Variants in LTBP1 observed in about 807,000 individuals in gnomAD.
LTBP1 encodes latent transforming growth factor beta binding protein 1.
LTBP1 carries 129 observed loss-of-function variants against 207.6 expected under a neutral mutation model. The ratio of observed to expected loss-of-function variants is 0.62; its 90% confidence interval spans 0.54 to 0.72. The LOEUF (loss-of-function observed/expected upper bound fraction) is 0.72. Ranked by LOEUF, LTBP1 falls within the 30% of genes least tolerant of loss-of-function variation. LTBP1 has a pLI of 0.00. For synonymous variants in LTBP1, 963 were observed against 833.7 expected, an observed-to-expected ratio of 1.16 and a Z score of -2.67; for missense variants, 2,281 against 2,217.2, an observed-to-expected ratio of 1.03 and a Z score of -0.58.
chr2:33,069,429 C>G (rs2077676036), intron 3 of LTBP1, among the ~76,000 whole-genome samples: 1 of 152,206 alleles, frequency 6.6e-6, no homozygotes, highest in African/African-American at 2.4e-5. Flanking sequence ...CCATTTTGAT[C>G]TAGAAGGTAG....
At position 33,275,096 on chromosome 2, in the gene LTBP1, G is replaced by A. The variant is rs1173230554; in HGVS notation, c.2869+6G>A. 1 of 1,613,552 alleles carries A rather than the reference G, an allele frequency of 6.2e-7. No homozygotes were observed. Among genetic ancestry groups the A allele is most frequent in the Non-Finnish European group, 8.5e-7 (1 of 1,179,666 alleles). On this transcript the variant is annotated splice_donor_region_variant and intron_variant, in intron 17 of 33. Coordinates refer to ENST00000404816, the MANE Select transcript of LTBP1 (RefSeq NM_206943.4). ...GGAGGGTACTAACTGCATAGGTAAT[G>A]GCAGCATTCTTCCTGCTTACAAATT...
Position 33,389,304 on chromosome 2 carries a change from A to C in LTBP1, c.4832A>C (p.Asp1611Ala). Reference sequence around the variant, plus strand: ...GAAGCCGATCCCTACTTCATCCAAGACCGTAAGCAAAATAACCTTGTTCCT... The same window carrying C: ...GAAGCCGATCCCTACTTCATCCAAGCCCGTAAGCAAAATAACCTTGTTCCT... ...TPEADPYFIQ[D>A]RFLNSFEELQ... Residue 1611 changes from aspartate (D) to alanine (A), a missense_variant and splice_region_variant, in exon 32 of 34, where the codon GAC (aspartate) becomes GCC (alanine). Coordinates refer to ENST00000404816, the MANE Select transcript of LTBP1 (RefSeq NM_206943.4). 6.2e-7 allele frequency: 1 copy of C among 1,614,098 alleles called. No homozygotes were observed. Among genetic ancestry groups the C allele is most frequent in the South Asian group, 1.1e-5 (1 of 91,070 alleles).
intron 33 of LTBP1, 124 bp downstream of exon 33, chr2:33,397,406 G>A (rs920772122): frequency 1.9e-6 from 2 of 1,043,626 alleles, no homozygotes; most frequent in Non-Finnish European, 2.8e-6. Context: ...AAGTTCTGGA[G>A]ATGTACATTA....
At chr2:33,122,869 C>T (rs575437358) in intron 4 of LTBP1, among the ~76,000 whole-genome samples, 16 of 152,264 alleles carry the variant, frequency 1.1e-4, no homozygotes, top group African/African-American at 1.4e-4. Flanking sequence ...TGTACACAAC[C>T]GCAGTTGAAC....
At chr2:33,282,388 C>G (rs976744690) in intron 19 of LTBP1, among the ~76,000 whole-genome samples, 1 of 152,184 alleles carries the variant, frequency 6.6e-6, no homozygotes, top group African/African-American at 2.4e-5. Flanking sequence ...ATTGGACTTG[C>G]AGCTCTTCTA....
intron 3 of LTBP1, among the ~76,000 whole-genome samples, chr2:33,081,044 A>T (rs1558610056): frequency 6.6e-6 from 1 of 152,202 alleles, no homozygotes; most frequent in Non-Finnish European, 1.5e-5. Context: ...TTATGCTTAG[A>T]TTAGATGAAG....
intron 3 of LTBP1, among the ~76,000 whole-genome samples, chr2:33,079,924 T>C (rs2078301634): frequency 8.7e-6 from 1 of 114,964 alleles, no homozygotes; most frequent in Non-Finnish European, 2.0e-5. Context: ...TCTTTCTCTG[T>C]GTTCCAAATG....
chr2:33,253,606 C>T (rs1558890427), intron 11 of LTBP1, among the ~76,000 whole-genome samples: 1 of 152,156 alleles, frequency 6.6e-6, no homozygotes, highest in Non-Finnish European at 1.5e-5. Context: ...AAATAGTCTA[C>T]TCAATTGCAT....
intron 25 of LTBP1, among the ~76,000 whole-genome samples, chr2:33,344,755 A>C (rs145122888): frequency 6.6e-6 from 1 of 152,242 alleles, no homozygotes; most frequent in Non-Finnish European, 1.5e-5. Context: ...TATATGATTG[A>C]AAACTTTCTC....
intron 3 of LTBP1, among the ~76,000 whole-genome samples, chr2:33,058,197 A>G (rs918898851): frequency 2.0e-5 from 3 of 152,254 alleles, no homozygotes; most frequent in Admixed American, 1.3e-4. Context: ...GATGAAGTAT[A>G]TAGAAATTCA....
intron 5 of LTBP1, among the ~76,000 whole-genome samples, chr2:33,185,053 C>G (rs1205085751): frequency 2.0e-5 from 3 of 152,130 alleles, no homozygotes; most frequent in African/African-American, 7.2e-5. Context: ...ATGTAGGAAT[C>G]AGGTAGTTGA....
intron 3 of LTBP1, among the ~76,000 whole-genome samples, chr2:33,022,248 A>G (rs976365226): frequency 4.1e-5 from 5 of 122,954 alleles, no homozygotes; most frequent in African/African-American, 8.8e-5. Context: ...CTTTTCTCCT[A>G]TTCCCTCCTC....
At chr2:33,009,911 C>G (rs1282021703) in intron 2 of LTBP1, among the ~76,000 whole-genome samples, 1 of 152,100 alleles carries the variant, frequency 6.6e-6, no homozygotes, top group Non-Finnish European at 1.5e-5. Flanking sequence ...ATCTGGAGTT[C>G]CAATAAGAGG....
chr2:33,270,589 C>CAAAAAA (rs397961095), intron 15 of LTBP1, among the ~76,000 whole-genome samples: 27 of 75,242 alleles, frequency 3.6e-4, no homozygotes, highest in East Asian at 7.4e-4. Context: ...GACTCCGTCT[C>CAAAAAA]AAAAAAAAAA....
intron 3 of LTBP1, among the ~76,000 whole-genome samples, chr2:33,075,893 T>A (rs1302292265): frequency 2.6e-5 from 4 of 151,970 alleles, no homozygotes; most frequent in Admixed American, 2.6e-4. Context: ...TGTGCTTCTT[T>A]ATTTTTCTAG....
intron 31 of LTBP1, among the ~76,000 whole-genome samples, chr2:33,388,190 G>C (rs975793249): frequency 2.0e-5 from 3 of 152,168 alleles, no homozygotes; most frequent in Non-Finnish European, 2.9e-5. Flanking sequence ...CCAAAATCCT[G>C]TGCACTGGTG....
chr2:33,025,176 T>C (rs1277235293), intron 3 of LTBP1, among the ~76,000 whole-genome samples: 5 of 152,230 alleles, frequency 3.3e-5, no homozygotes, highest in Non-Finnish European at 5.9e-5. Flanking sequence ...ACCCTCACGC[T>C]TACCTTATTG....
chr2:33,336,216 T>A (rs1195690278), intron 24 of LTBP1, among the ~76,000 whole-genome samples: 1 of 152,216 alleles, frequency 6.6e-6, no homozygotes, highest in African/African-American at 2.4e-5. Flanking sequence ...TGTTCTGACC[T>A]CCATCTTCAT....
intron 9 of LTBP1, among the ~76,000 whole-genome samples, chr2:33,239,886 A>C (rs1004519923): frequency 6.7e-6 from 1 of 150,202 alleles, no homozygotes; most frequent in Non-Finnish European, 1.5e-5. Context: ...CCTGTGTGAC[A>C]GAGTAAGACT....
Sources: gnomAD v4.1 joint callset for allele counts (sites outside exome capture counted in the v4.1 genomes callset) on GRCh38, gnomAD v4.1.1 for gene constraint, MANE v1.5 for transcripts, NCBI Gene and HGNC (gene_info 2026-07-23, HGNC 2026-07-21) for gene names.